CLSTN1: variants seen among roughly 807,000 people sequenced by gnomAD.
CLSTN1 encodes calsyntenin-1.
CLSTN1 carries 28 observed loss-of-function variants against 108.3 expected under a neutral mutation model. The ratio of observed to expected loss-of-function variants is 0.26; its 90% CI spans 0.19 to 0.35. The LOEUF is 0.35. Among genes scored for constraint, CLSTN1 ranks in the 10% least tolerant of loss-of-function variants. The pLI is 1.00. For missense variants in CLSTN1, 1,157 were observed against 1,302.6 expected (o/e 0.89, Z 1.72); for synonymous variants, 524 against 534.9 (o/e 0.98, Z 0.28).
intron 2 of CLSTN1, among the ~76,000 whole-genome samples, chr1:9,772,435 A>G (rs1016156799): frequency 1.3e-5 from 2 of 152,054 alleles, no homozygotes; most frequent in Non-Finnish European, 2.9e-5. Flanking sequence ...AGCCTCCCAC[A>G]GTGCTGAGAT....
intron 2 of CLSTN1, among the ~76,000 whole-genome samples, chr1:9,773,018 T>C (rs535530748): frequency 1.6e-4 from 24 of 152,328 alleles, no homozygotes; most frequent in African/African-American, 5.5e-4. Flanking sequence ...CTAGGAGTTA[T>C]CTGGCTACAT....
chr1:9,756,496 T>A lies in CLSTN1; in HGVS notation c.229A>T (p.Thr77Ser), dbSNP rs1651810492. The A allele has an allele frequency of 6.2e-7, 1 of 1,612,532 alleles. No homozygotes were observed. Among genetic ancestry groups the A allele is most frequent in the Non-Finnish European group, 8.5e-7 (1 of 1,178,798 alleles). ...PLRFAESFEV[T>S]VTKEGEICGF... ...CCTTTATCACCTTCTTTGGTGACTG[T>A]CACCTCAAAACTCTCTAAAGGGAGA... The change falls in exon 3 of 19, where the codon ACA (threonine) becomes TCA (serine). Residue 77 changes from threonine to serine, a missense_variant. By Grantham distance (58) the Thr-to-Ser change is moderately conservative. Coordinates refer to ENST00000377298, the MANE Select transcript of CLSTN1 (RefSeq NM_001009566.3).
intron 1 of CLSTN1, among the ~76,000 whole-genome samples, chr1:9,784,912 C>G (rs1157397808): frequency 6.6e-6 from 1 of 151,568 alleles, no homozygotes; most frequent in Non-Finnish European, 1.5e-5. Context: ...GCATTTGGAA[C>G]AGGTAAAATA....
At chr1:9,811,201 G>C (rs925885346) in intron 1 of CLSTN1, among the ~76,000 whole-genome samples, 1 of 152,082 alleles carries the variant, frequency 6.6e-6, no homozygotes, top group Non-Finnish European at 1.5e-5. Flanking sequence ...AGAAGGGAGG[G>C]GAAAGGCTAT....
At chr1:9,803,410 T>C (rs1002198018) in intron 1 of CLSTN1, among the ~76,000 whole-genome samples, 1 of 152,192 alleles carries the variant, frequency 6.6e-6, no homozygotes, top group Admixed American at 6.5e-5. Flanking sequence ...CACGCACAGA[T>C]ATTCCATGGG....
intron 16 of CLSTN1, among the ~76,000 whole-genome samples, chr1:9,732,662 A>T (rs1306973018): frequency 6.6e-6 from 1 of 152,232 alleles, no homozygotes; most frequent in African/African-American, 2.4e-5. Flanking sequence ...AGCCTGAGCG[A>T]TGAAGCAGCT....
At chr1:9,736,553 C>T (rs1650700721) in intron 11 of CLSTN1, among the ~76,000 whole-genome samples, 1 of 152,184 alleles carries the variant, frequency 6.6e-6, no homozygotes, top group Admixed American at 6.5e-5. Flanking sequence ...GTGTTAAGTC[C>T]CATCCTTCCT....
At chr1:9,754,994 A>G (rs1651742803) in intron 4 of CLSTN1, 120 bp downstream of exon 4, 2 of 731,548 alleles carry the variant, frequency 2.7e-6, no homozygotes, top group African/African-American at 3.5e-5. Context: ...ACACTTGAGA[A>G]CTATCTTCTG....
intron 7 of CLSTN1, among the ~76,000 whole-genome samples, chr1:9,745,486 G>A (rs1651213481): frequency 6.6e-6 from 1 of 151,938 alleles, no homozygotes; most frequent in Non-Finnish European, 1.5e-5. Flanking sequence ...GCAAAACCCT[G>A]TCAATACAAA....
chr1:9,749,499 C>T lies in CLSTN1; in HGVS notation c.947G>A (p.Arg316Gln), dbSNP rs775122160. The T allele has an allele frequency of 3.1e-6, 5 of 1,613,812 alleles. No homozygotes were observed. The highest frequency in any genetic ancestry group is 2.5e-6 in the Non-Finnish European group (3 of 1,179,940). The change falls in exon 7 of 19, where the codon CGA becomes CAA. Residue 316 changes from arginine to glutamine, a missense_variant. Arg to Gln is a conservative substitution (Grantham distance 43). Coordinates refer to ENST00000377298, the MANE Select transcript of CLSTN1 (RefSeq NM_001009566.3). ...GAGGGACTTCTCTGAGTAGGTGTCTCGGTCGCAGCCTTTCCCTATGTGGCT... is the reference window on the plus strand; with the variant it reads ...GAGGGACTTCTCTGAGTAGGTGTCTTGGTCGCAGCCTTTCCCTATGTGGCT... Reference protein sequence around the residue: ...ETSHIGKGCDRDTYSEKSLHR... With the variant: ...ETSHIGKGCDQDTYSEKSLHR...
Position 9,751,643 on chromosome 1 carries a change from T to C in CLSTN1, c.479A>G (p.Tyr160Cys), listed in dbSNP as rs113953501. 1 of 1,614,146 alleles carries C rather than the reference T, an allele frequency of 6.2e-7. No homozygotes were observed. The highest frequency in any genetic ancestry group is 1.3e-5 in the African/African-American group (1 of 75,040). ...VHIQVNDVNE[Y>C]APVFKEKSYK... ...GGACTTCTCCTTGAACACGGGCGCG[T>C]ACTCATTCACGTCGTTCACCTGAAT... The change falls in exon 5 of 19, where the codon TAC becomes TGC. Residue 160 changes from tyrosine to cysteine, a missense_variant. Tyr to Cys is a radical substitution (Grantham distance 194). Transcript: ENST00000377298.
At chr1:9,776,824 C>A (rs976978256) in intron 1 of CLSTN1, among the ~76,000 whole-genome samples, 8 of 151,336 alleles carry the variant, frequency 5.3e-5, no homozygotes, top group Middle Eastern at 6.8e-3. Flanking sequence ...CAGCATTTAT[C>A]TATCATCTAT....
At position 9,773,392 on chromosome 1, in the gene CLSTN1, T is replaced by C. The variant is rs750754639; in HGVS notation, c.94A>G (p.Asn32Asp). The stretch of plus-strand genomic sequence containing the variant: ...GGCTCCAGCCAGGGCTTGTGCTTGT[T>C]AACTGTGTTTAAAACAAGAGAAAAA... ...CGGGVWAARV[N>D]KHKPWLEPTY... Residue 32 changes from asparagine (N) to aspartate (D), a missense_variant and splice_region_variant, in exon 2 of 19, where the codon AAC becomes GAC. Asn to Asp is a conservative substitution (Grantham distance 23). Coordinates refer to ENST00000377298, the MANE Select transcript of CLSTN1 (RefSeq NM_001009566.3). 1.2e-6 allele frequency: 2 copies of C among 1,600,580 alleles called. No individual in the cohort carries two copies. Among genetic ancestry groups the C allele is most frequent in the South Asian group, 2.2e-5 (2 of 89,472 alleles).
rs200112544 is a variant in CLSTN1 at position 9,788,566 on chromosome 1, C to CA, written c.92-15173dup. 7.0e-4 allele frequency among the ~76,000 whole-genome samples: 96 copies of CA among 137,508 alleles called. 2 individuals are homozygous for CA. Among genetic ancestry groups the CA allele is most frequent in the Admixed American group, 1.2e-3 (16 of 13,232 alleles). 90.2% of individuals were successfully genotyped at this position (137,508 alleles called of 152,430 possible). On this transcript the variant is annotated intron_variant, in intron 1 of 18. Coordinates refer to ENST00000377298, the MANE Select transcript of CLSTN1 (RefSeq NM_001009566.3). The stretch of plus-strand genomic sequence containing the variant: ...CTGGGTGACAGAGTGAGACTGTTTC[C>CA]AAAAAAAAAAGGAATTTGAGGCCGG...
rs577824464 is a variant in CLSTN1, at chr1:9,735,147, C to T, written c.1911G>A (p.Ser637=). 5.3e-5 allele frequency: 85 copies of T among 1,614,010 alleles called. No homozygotes were observed. The highest frequency in any genetic ancestry group is 6.4e-5 in the Non-Finnish European group (76 of 1,180,046). Reference sequence around the variant, plus strand: ...TCACGTAGCCATCTACCGGGGGGACCGAAATGCAGGTGGCCTCGTTAAAAC... The same window carrying T: ...TCACGTAGCCATCTACCGGGGGGACTGAAATGCAGGTGGCCTCGTTAAAAC... ...IKCFNEATCI[S]VPPVDGYVMV... The change falls in exon 14 of 19, where the codon TCG becomes TCA. Residue 637 remains serine (S), a synonymous_variant. Transcript: ENST00000377298.
At chr1:9,736,140 G>GT in intron 11 of CLSTN1, 98 bp from the exon 12 acceptor site, 2 of 1,444,366 alleles carry the variant, frequency 1.4e-6, no homozygotes, top group Non-Finnish European at 1.9e-6. Context: ...TGGCAGCTCA[G>GT]TGGATGGACA....
At chr1:9,819,425 A>AT (rs990037974) in intron 1 of CLSTN1, among the ~76,000 whole-genome samples, 1 of 152,128 alleles carries the variant, frequency 6.6e-6, no homozygotes, top group African/African-American at 2.4e-5. Context: ...AAATTACAGC[A>AT]TTTTCTATTT....
chr1:9,773,346 G>T lies in CLSTN1; in HGVS notation c.140C>A (p.Thr47Lys). ...GAGGAGCACGGTGTTGTCGTTCTCT[G>T]TGACTATGCCGTGGTAGGTGGGCTC... ...WLEPTYHGIV[T>K]ENDNTVLLDP... is the part of the protein sequence containing the mutation. The change falls in exon 2 of 19, where the codon ACA (threonine) becomes AAA (lysine). Residue 47 changes from threonine to lysine, a missense_variant. Coordinates refer to ENST00000377298, the MANE Select transcript of CLSTN1 (RefSeq NM_001009566.3). The T allele has an allele frequency of 1.2e-6, 2 of 1,614,140 alleles. No homozygotes were observed. Among genetic ancestry groups the T allele is most frequent in the Non-Finnish European group, 1.7e-6 (2 of 1,180,002 alleles).
chr1:9,730,496 C>T lies in CLSTN1; in HGVS notation c.*12G>A, dbSNP rs201581912. The T allele has an allele frequency of 6.2e-6, 10 of 1,600,348 alleles. No homozygotes were observed. Among genetic ancestry groups the T allele is most frequent in the Admixed American group, 3.3e-5 (2 of 59,974 alleles). The stretch of plus-strand genomic sequence containing the variant: ...CTTCGAAAGCAGAAACCGAGGTGGC[C>T]GGGGGCACGGGTCAGTAGCTGAGGG... On this transcript the variant is annotated 3_prime_UTR_variant, in exon 19 of 19. Transcript: ENST00000377298. The surrounding 1 kb of genome is among the most constrained non-coding windows in gnomAD (Gnocchi z 5.6).
Sources: gnomAD v4.1 joint callset for allele counts (sites outside exome capture counted in the v4.1 genomes callset) on GRCh38, gnomAD v4.1.1 for gene constraint, Gnocchi (gnomAD v3.1) non-coding constraint, MANE v1.5 for transcripts, NCBI Gene and HGNC (gene_info 2026-07-23, HGNC 2026-07-21) for gene names.